SLC25A26: variants seen among roughly 807,000 people sequenced by gnomAD.
SLC25A26 encodes solute carrier family 25 member 26, also known as mitochondrial S-adenosylmethionine carrier protein.
A neutral mutation model predicts 37.8 loss-of-function variants in SLC25A26; 36 were observed. The ratio of observed to expected loss-of-function variants is 0.95; its 90% CI spans 0.73 to 1.26. SLC25A26 has a LOEUF of 1.26. Among genes scored for constraint, SLC25A26 ranks in the 50% most tolerant of loss-of-function variants. SLC25A26 has a pLI of 0.00. For missense variants in SLC25A26, 390 were observed against 331.1 expected (o/e 1.18, Z -1.38); for synonymous variants, 129 against 122.5 (o/e 1.05, Z -0.35).
chr3:66,195,012 G>A (rs1300063918), intron 1 of SLC25A26, among the ~76,000 whole-genome samples: 1 of 152,204 alleles, frequency 6.6e-6, no homozygotes, highest in African/African-American at 2.4e-5. Context: ...GTGAAACAGA[G>A]CTGTCTGCCC....
At chr3:66,272,828 T>C (rs1157094121) in intron 5 of SLC25A26, among the ~76,000 whole-genome samples, 1 of 152,172 alleles carries the variant, frequency 6.6e-6, no homozygotes, top group East Asian at 1.9e-4. Flanking sequence ...TCCAACACTG[T>C]GTTGAATAGG....
intron 5 of SLC25A26, among the ~76,000 whole-genome samples, chr3:66,266,327 A>G (rs367673558): frequency 2.0e-5 from 3 of 152,236 alleles, no homozygotes; most frequent in Non-Finnish European, 4.4e-5. Context: ...TAAATAGTTT[A>G]GATTCTTACT....
At chr3:66,292,159 T>A (rs1255390499) in intron 5 of SLC25A26, among the ~76,000 whole-genome samples, 2 of 152,194 alleles carry the variant, frequency 1.3e-5, no homozygotes, top group Admixed American at 1.3e-4. Flanking sequence ...TTGGTAAATA[T>A]TCCTCCATCC....
At chr3:66,348,692 A>G (rs987200840) in intron 6 of SLC25A26, among the ~76,000 whole-genome samples, 2 of 152,248 alleles carry the variant, frequency 1.3e-5, no homozygotes, top group Non-Finnish European at 2.9e-5. Context: ...AAAGTAAATT[A>G]TGAGATGTTA....
chr3:66,221,533 G>A (rs2071496164), intron 1 of SLC25A26, among the ~76,000 whole-genome samples: 1 of 151,862 alleles, frequency 6.6e-6, no homozygotes, highest in South Asian at 2.1e-4. Context: ...TCAATACTAC[G>A]TTTCTCATTT....
intron 5 of SLC25A26, among the ~76,000 whole-genome samples, chr3:66,279,544 A>G (rs1350249086): frequency 1.3e-5 from 2 of 152,140 alleles, no homozygotes; most frequent in East Asian, 1.9e-4. Context: ...TCAGGTAATT[A>G]TCTTTCTCTA....
chr3:66,367,325 A>C (rs1331857662), intron 7 of SLC25A26, among the ~76,000 whole-genome samples: 1 of 152,192 alleles, frequency 6.6e-6, no homozygotes, highest in Non-Finnish European at 1.5e-5. Flanking sequence ...CAGAGTCAGT[A>C]CAGGCTTTAG....
At chr3:66,169,135 G>C (rs1422543415) in intron 1 of SLC25A26, among the ~76,000 whole-genome samples, 2 of 152,054 alleles carry the variant, frequency 1.3e-5, no homozygotes, top group African/African-American at 4.8e-5. Flanking sequence ...TAAAAGAAAA[G>C]AAAATCCTCG....
intron 9 of SLC25A26, among the ~76,000 whole-genome samples, chr3:66,374,878 C>A (rs200093354): frequency 9.6e-5 from 14 of 146,564 alleles, no homozygotes; most frequent in Non-Finnish European, 1.1e-4. Flanking sequence ...GACCCTATCT[C>A]AAAAAAAAAA....
chr3:66,354,154 T>A (rs184259746), intron 6 of SLC25A26, among the ~76,000 whole-genome samples: 1 of 151,522 alleles, frequency 6.6e-6, no homozygotes, highest in East Asian at 1.9e-4. Flanking sequence ...CCTGTGAGAA[T>A]GCATTTTTTT....
At chr3:66,309,904 A>T (rs1051061782) in intron 5 of SLC25A26, among the ~76,000 whole-genome samples, 1 of 152,064 alleles carries the variant, frequency 6.6e-6, no homozygotes, top group Non-Finnish European at 1.5e-5. Context: ...TTGCTGAGGA[A>T]TGTTTTACTT....
intron 5 of SLC25A26, among the ~76,000 whole-genome samples, chr3:66,302,033 T>C (rs1490806875): frequency 6.6e-6 from 1 of 152,230 alleles, no homozygotes; most frequent in Admixed American, 6.5e-5. Flanking sequence ...AATTTATGAT[T>C]ATTGTTGTGA....
At chr3:66,335,544 C>T (rs2076075155) in intron 5 of SLC25A26, among the ~76,000 whole-genome samples, 1 of 152,156 alleles carries the variant, frequency 6.6e-6, no homozygotes, top group African/African-American at 2.4e-5. Flanking sequence ...TTCCTTGGAC[C>T]ATGAGCCACA....
At chr3:66,301,363 C>G (rs917539385) in intron 5 of SLC25A26, among the ~76,000 whole-genome samples, 1 of 152,178 alleles carries the variant, frequency 6.6e-6, no homozygotes, top group African/African-American at 2.4e-5. Flanking sequence ...GTGTGTAGGA[C>G]AAGTTCATGC....
At chr3:66,229,496 G>C (rs1553662277) in intron 1 of SLC25A26, among the ~76,000 whole-genome samples, 2 of 152,184 alleles carry the variant, frequency 1.3e-5, no homozygotes, top group African/African-American at 2.4e-5. Context: ...CATGAGATCT[G>C]ATGGTTTTAT....
chr3:66,304,164 T>A (rs1389299935), intron 5 of SLC25A26, among the ~76,000 whole-genome samples: 2 of 152,206 alleles, frequency 1.3e-5, no homozygotes, highest in African/African-American at 4.8e-5. Context: ...GGGAACTTAA[T>A]TAAATCTGCA....
chr3:66,143,005 G>A (rs1184351689), intron 1 of SLC25A26, among the ~76,000 whole-genome samples: 4 of 151,984 alleles, frequency 2.6e-5, no homozygotes, highest in Admixed American at 6.6e-5. Context: ...GGCCTCAGGC[G>A]ATCTTCCTGC....
rs541313548 is a variant in SLC25A26 at position 66,236,624 on chromosome 3, A to G, written c.114A>G (p.Gln38=). 2.2e-5 allele frequency: 34 copies of G among 1,529,300 alleles called. No individual in the cohort carries two copies. Among genetic ancestry groups the G allele is most frequent in the African/African-American group, 2.7e-5 (2 of 72,810 alleles). 94.7% of individuals were successfully genotyped at this position (1,529,300 alleles called of 1,614,324 possible). ...DTIKTRLQSP[Q]GFSKAGGFHG... ...TTAAAACCAGGCTGCAGAGTCCCCA[A>G]GGATTTAGTAAGGCTGGTGGTTTTC... Residue 38 remains glutamine, a synonymous_variant, in exon 2 of 10, where the codon CAA becomes CAG. Transcript: ENST00000354883.
At chr3:66,367,206 C>G (rs1331587832) in intron 7 of SLC25A26, among the ~76,000 whole-genome samples, 2 of 152,126 alleles carry the variant, frequency 1.3e-5, no homozygotes, top group African/African-American at 2.4e-5. Flanking sequence ...AGATGCTGTT[C>G]CAAACATGTT....
Sources: allele counts gnomAD v4.1 joint callset (sites outside exome capture counted in the v4.1 genomes callset), GRCh38; gene constraint gnomAD v4.1.1; transcripts MANE v1.5; gene names NCBI Gene and HGNC (gene_info 2026-07-23, HGNC 2026-07-21).